The following ZNF441 variants were observed in gnomAD, a reference collection of about 807,000 sequenced individuals.
The protein encoded by ZNF441 is zinc finger protein 441.
A neutral mutation model predicts 64.5 loss-of-function variants in ZNF441; 25 were observed. The observed-to-expected ratio is 0.39, with a 90% CI of 0.28 to 0.54. ZNF441 has a LOEUF of 0.54. Among genes scored for constraint, ZNF441 ranks in the 20% least tolerant of loss-of-function variants. ZNF441 has a pLI of 0.70. For synonymous variants in ZNF441, 262 were observed against 268.0 expected (o/e 0.98, Z 0.22); for missense variants, 715 against 843.3 (o/e 0.85, Z 1.88).
chr19:11,775,293 A>G (rs1975345059), intron 1 of ZNF441, among the ~76,000 whole-genome samples: 1 of 152,170 alleles, frequency 6.6e-6, no homozygotes, highest in Admixed American at 6.5e-5. Context: ...TTTCCAGTAC[A>G]TGCATTCTCA....
At chr19:11,775,208 T>G (rs1975344489) in intron 1 of ZNF441, among the ~76,000 whole-genome samples, 1 of 152,238 alleles carries the variant, frequency 6.6e-6, no homozygotes, top group African/African-American at 2.4e-5. Flanking sequence ...TTTACCAAAC[T>G]GAGAGATGAT....
In ZNF441 at chr19:11,782,441, A is replaced by G. The variant is rs1342929438; in HGVS notation, c.*535A>G. ...TAGGCACATTTTTCTGTATATCTTA[A>G]ATCATTTCTAGATTACTTATAATAC... On this transcript the variant is annotated 3_prime_UTR_variant, in exon 4 of 4. Coordinates refer to ENST00000357901, the MANE Select transcript of ZNF441 (RefSeq NM_152355.3). 2.6e-5 allele frequency: 4 copies of G among 152,294 alleles called. No homozygotes were observed. Among genetic ancestry groups the G allele is most frequent in the Admixed American group, 2.6e-4 (4 of 15,286 alleles). The allele number at this position is 152,294 out of a possible 1,614,324, so 9.4% of individuals were successfully genotyped here. A position where few individuals can be genotyped will look rare whatever the true frequency, so the allele number is the denominator to read the frequency against.
At chr19:11,776,229 A>G (rs1975354206) in intron 1 of ZNF441, among the ~76,000 whole-genome samples, 1 of 152,202 alleles carries the variant, frequency 6.6e-6, no homozygotes, top group Non-Finnish European at 1.5e-5. Flanking sequence ...CACATTGGAA[A>G]TTTGGTCTGC....
In ZNF441 at chr19:11,780,831, A is replaced by G. The variant is rs1975395918; in HGVS notation, c.1007A>G (p.Tyr336Cys). Residue 336 changes from tyrosine to cysteine, a missense_variant, in exon 4 of 4, where the codon TAT (tyrosine) becomes TGT (cysteine). Transcript: ENST00000357901. ...HKRTHTGEKP[Y>C]ECKYCGKAFS... is the part of the protein sequence containing the mutation. ...AGAACTCACACTGGAGAGAAACCGT[A>G]TGAATGTAAGTATTGTGGGAAAGCA... is the stretch of plus-strand genomic sequence containing the variant. The G allele has an allele frequency of 6.2e-7, 1 of 1,614,192 alleles. No individual in the cohort carries two copies. Among genetic ancestry groups the G allele is most frequent in the East Asian group, 2.2e-5 (1 of 44,866 alleles).
rs372033442 is a variant in ZNF441 at position 11,780,154 on chromosome 19, C to T, written c.330C>T (p.Asp110=). The change falls in exon 4 of 4, where the codon GAC becomes GAT. Residue 110 remains aspartate (D), a synonymous_variant. Transcript: ENST00000357901. ...CATGGGAAAGCAGTGAGTGTACAGACGTCCTCATGGGTCGTTCATCTCTTA... is the reference window on the plus strand; with the variant it reads ...CATGGGAAAGCAGTGAGTGTACAGATGTCCTCATGGGTCGTTCATCTCTTA... ...VDPWESSECT[D]VLMGRSSLNC... 63 of 1,614,018 alleles carry T rather than the reference C, an allele frequency of 3.9e-5. No individual in the cohort carries two copies. The highest frequency in any genetic ancestry group is 5.3e-5 in the African/African-American group (4 of 74,910).
At position 11,767,469 on chromosome 19, in the gene ZNF441, G is replaced by A. The variant is rs969227628; in HGVS notation, c.3+273G>A. Reference sequence around the variant, plus strand: ...CTGCGTCTCCCCAGATTGTGCGGCTGTAACCGGCACAGGTTCGCGGCCCGA... The same window carrying A: ...CTGCGTCTCCCCAGATTGTGCGGCTATAACCGGCACAGGTTCGCGGCCCGA... On this transcript the variant is annotated intron_variant, in intron 1 of 3. Coordinates refer to ENST00000357901, the MANE Select transcript of ZNF441 (RefSeq NM_152355.3). This position sits in a 1 kb window ranked among gnomAD's most constrained non-coding sequence, Gnocchi z 5.1. 6.6e-6 allele frequency among the ~76,000 whole-genome samples: 1 copy of A among 152,268 alleles called. No individual in the cohort carries two copies. Among genetic ancestry groups the A allele is most frequent in the Non-Finnish European group, 1.5e-5 (1 of 68,046 alleles).
chr19:11,770,284 A>G (rs1975303053), intron 1 of ZNF441, among the ~76,000 whole-genome samples: 1 of 152,072 alleles, frequency 6.6e-6, no homozygotes, highest in African/African-American at 2.4e-5. Flanking sequence ...AGAACCCACT[A>G]TCACAAGAAC....
At chr19:11,773,151 C>CT (rs918863633) in intron 1 of ZNF441, among the ~76,000 whole-genome samples, 35 of 152,094 alleles carry the variant, frequency 2.3e-4, no homozygotes, top group Non-Finnish European at 3.7e-4. Context: ...ATGATATACT[C>CT]TTTTTTTATC....
intron 1 of ZNF441, 132 bp from the exon 2 acceptor site, chr19:11,777,479 T>TA (rs1396680523): frequency 1.0e-5 from 10 of 955,698 alleles, no homozygotes; most frequent in Non-Finnish European, 1.2e-5. Flanking sequence ...AAAGAGAGAA[T>TA]AAGAGTGGGT....
At position 11,781,916 on chromosome 19, in the gene ZNF441, CTA is replaced by C. The variant is rs1975408117; in HGVS notation, c.*12_*13del. On this transcript the variant is annotated 3_prime_UTR_variant, in exon 4 of 4. Transcript: ENST00000357901. ...TGAAATGACTCACTAGAGAAAACCC[CTA>C]TGAGTGTTGAACATGTGAGAAAGCC... 6.4e-7 allele frequency: 1 copy of C among 1,562,206 alleles called. No individual in the cohort carries two copies. The highest frequency in any genetic ancestry group is 8.7e-7 in the Non-Finnish European group (1 of 1,153,558).
At chr19:11,776,443 AT>A (rs904278246) in intron 1 of ZNF441, among the ~76,000 whole-genome samples, 3 of 152,152 alleles carry the variant, frequency 2.0e-5, no homozygotes, top group Non-Finnish European at 4.4e-5. Flanking sequence ...GGATTTTAGC[AT>A]TTTTAGATGT....
At position 11,782,689 on chromosome 19, in the gene ZNF441, T is replaced by C. The variant is rs550854878; in HGVS notation, c.*783T>C. 1.3e-5 allele frequency: 2 copies of C among 152,328 alleles called. No individual in the cohort carries two copies. Among genetic ancestry groups the C allele is most frequent in the African/African-American group, 4.8e-5 (2 of 41,586 alleles). 9.4% of individuals were successfully genotyped at this position (152,328 alleles called of 1,614,324 possible). Reference sequence around the variant, plus strand: ...GCAGCTGCTTTAGCTACAAATATTATAGGAAGCTGTTCCTTCTTTTTCTTT... The same window carrying C: ...GCAGCTGCTTTAGCTACAAATATTACAGGAAGCTGTTCCTTCTTTTTCTTT... On this transcript the variant is annotated 3_prime_UTR_variant, in exon 4 of 4. Transcript: ENST00000357901.
At chr19:11,774,306 G>T (rs982072199) in intron 1 of ZNF441, among the ~76,000 whole-genome samples, 2 of 152,082 alleles carry the variant, frequency 1.3e-5, no homozygotes, top group Admixed American at 1.3e-4. Context: ...GAAAACTAAA[G>T]AATTTCAAAT....
At chr19:11,777,975 A>G in intron 2 of ZNF441, 1 of 422,260 alleles carries the variant, frequency 2.4e-6, no homozygotes, top group Non-Finnish European at 4.2e-6. Flanking sequence ...TATGTATTAC[A>G]TGCTATATAT....
intron 1 of ZNF441, among the ~76,000 whole-genome samples, chr19:11,777,355 G>A (rs1032967432): frequency 5.3e-5 from 8 of 152,156 alleles, no homozygotes; most frequent in African/African-American, 1.9e-4. Flanking sequence ...GAGTGATTCA[G>A]GCAATAAGAC....
rs763291223 is a variant in ZNF441 at position 11,780,623 on chromosome 19, A to G, written c.799A>G (p.Thr267Ala). 1.9e-6 allele frequency: 3 copies of G among 1,613,978 alleles called. No individual in the cohort carries two copies. Among genetic ancestry groups the G allele is most frequent in the Non-Finnish European group, 2.5e-6 (3 of 1,179,992 alleles). Residue 267 changes from threonine (T) to alanine (A), a missense_variant, in exon 4 of 4, where the codon ACT becomes GCT. This residue lies in a region of ZNF441 where 399 missense variants were observed against 413.9 expected (regional missense o/e 0.96). Coordinates refer to ENST00000357901, the MANE Select transcript of ZNF441 (RefSeq NM_152355.3). Reference sequence around the variant, plus strand: ...GAAAGCCTTCAGTTGTTCCTGTTACACTCAACTATATGAAAGGACTCACAC... The same window carrying G: ...GAAAGCCTTCAGTTGTTCCTGTTACGCTCAACTATATGAAAGGACTCACAC... ...CGKAFSCSCY[T>A]QLYERTHTGE...
At position 11,780,688 on chromosome 19, in the gene ZNF441, A is replaced by G; in HGVS notation, c.864A>G (p.Ala288=). Residue 288 remains alanine (A), a synonymous_variant, in exon 4 of 4, where the codon GCA becomes GCG. Transcript: ENST00000357901. ...ATGAATGTAAGCAATGTGGGAAAGC[A>G]TTTTATCATCTTGGAAGCTTTCAAA... is the stretch of plus-strand genomic sequence containing the variant. ...QSYECKQCGK[A]FYHLGSFQRH... 6.2e-7 allele frequency: 1 copy of G among 1,613,958 alleles called. No homozygotes were observed. Among genetic ancestry groups the G allele is most frequent in the Non-Finnish European group, 8.5e-7 (1 of 1,179,982 alleles).
chr19:11,772,336 C>G (rs1050327466), intron 1 of ZNF441, among the ~76,000 whole-genome samples: 2 of 152,202 alleles, frequency 1.3e-5, no homozygotes. Flanking sequence ...GTCTTTATTT[C>G]TACGCTCTCT....
Position 11,781,216 on chromosome 19 carries a change from A to G in ZNF441, c.1392A>G (p.Val464=). 6.2e-7 allele frequency: 1 copy of G among 1,613,920 alleles called. No individual in the cohort carries two copies. Among genetic ancestry groups the G allele is most frequent in the Non-Finnish European group, 8.5e-7 (1 of 1,179,956 alleles). The stretch of plus-strand genomic sequence containing the variant: ...TCAGGTCTTCCAATTACATTCGAGT[A>G]CATGAAAAGACTCACACTGGAGAAA... ...KAFRSSNYIR[V]HEKTHTGEKP... Residue 464 remains valine, a synonymous_variant, in exon 4 of 4, where the codon GTA becomes GTG. Transcript: ENST00000357901.
Sources: gnomAD v4.1 joint callset for allele counts (sites outside exome capture counted in the v4.1 genomes callset) on GRCh38, gnomAD v4.1.1 for gene constraint, gnomAD v4.1.1 regional missense constraint, Gnocchi (gnomAD v3.1) non-coding constraint, MANE v1.5 for transcripts, NCBI Gene and HGNC (gene_info 2026-07-23, HGNC 2026-07-21) for gene names.